The following ROR2 variants were observed in gnomAD, a reference collection of about 807,000 sequenced individuals.
The protein encoded by ROR2 is ROR family WNT receptor 2.
Under a neutral mutation model 74.9 loss-of-function variants are expected in ROR2, and 33 were observed. The ratio of observed to expected loss-of-function variants is 0.44; its 90% CI spans 0.33 to 0.59. ROR2 has a LOEUF of 0.59. ROR2 is among the 20% of genes least tolerant of loss of function. The pLI, the probability that ROR2 is intolerant of heterozygous loss-of-function variation, is 0.02. For synonymous variants in ROR2, 586 were observed against 558.7 expected (o/e 1.05, Z -0.69); for missense variants, 1,216 against 1,313.8 (o/e 0.93, Z 1.15).
In ROR2 at chr9:91,928,072, CT is replaced by C. The variant is rs1831457256; in HGVS notation, c.97+21794del. Among the ~76,000 whole-genome samples, 3 of 152,254 alleles carry C rather than the reference CT, an allele frequency of 2.0e-5. No homozygotes were observed. In the South Asian group the frequency reaches 6.2e-4, roughly 32 times the overall value. ...GCAAACCAACCACCCTAGAGCCCCA[CT>C]TCCCGCCACCTCCTGCATCACACTC... On this transcript the variant is annotated intron_variant, in intron 1 of 8. Coordinates refer to ENST00000375708, the MANE Select transcript of ROR2 (RefSeq NM_004560.4).
At chr9:91,939,935 C>T (rs1055878675) in intron 1 of ROR2, among the ~76,000 whole-genome samples, 4 of 152,166 alleles carry the variant, frequency 2.6e-5, no homozygotes, top group Non-Finnish European at 4.4e-5. Flanking sequence ...GCAGATGCCT[C>T]GTGGCCTGAA....
At chr9:91,815,640 T>C (rs1419037215) in intron 1 of ROR2, among the ~76,000 whole-genome samples, 1 of 152,242 alleles carries the variant, frequency 6.6e-6, no homozygotes, top group South Asian at 2.1e-4. Flanking sequence ...AGAGGTATTC[T>C]TGACGAACAG....
intron 1 of ROR2, among the ~76,000 whole-genome samples, chr9:91,908,918 G>GAC (rs3083919): frequency 6.6e-6 from 1 of 151,748 alleles, no homozygotes; most frequent in East Asian, 1.9e-4. Context: ...GACCATGAGG[G>GAC]AGTTTCCCTT....
intron 1 of ROR2, among the ~76,000 whole-genome samples, chr9:91,887,726 T>A (rs1193078733): frequency 6.6e-6 from 1 of 151,816 alleles, no homozygotes; most frequent in East Asian, 1.9e-4. Flanking sequence ...AATGTAGGTA[T>A]AACGGGGCGT....
At chr9:91,875,714 A>C (rs184851503) in intron 1 of ROR2, among the ~76,000 whole-genome samples, 430 of 152,298 alleles carry the variant, frequency 2.8e-3, no homozygotes, top group Middle Eastern at 0.017. Context: ...GAGGTGAGAG[A>C]GCTCCAGAAA....
At chr9:91,754,682 CATAAAT>C (rs1398660198) in intron 4 of ROR2, among the ~76,000 whole-genome samples, 1 of 152,018 alleles carries the variant, frequency 6.6e-6, no homozygotes, top group Non-Finnish European at 1.5e-5. Context: ...AAATAAAAGA[CATAAAT>C]ATAAAATAAG....
intron 1 of ROR2, among the ~76,000 whole-genome samples, chr9:91,907,789 G>C (rs1043111708): frequency 6.6e-6 from 1 of 152,172 alleles, no homozygotes; most frequent in African/African-American, 2.4e-5. Flanking sequence ...ACCCAAGAAT[G>C]CAGTAAATTG....
chr9:91,837,585 G>A (rs1828647420), intron 1 of ROR2, among the ~76,000 whole-genome samples: 1 of 152,172 alleles, frequency 6.6e-6, no homozygotes, highest in Non-Finnish European at 1.5e-5. Flanking sequence ...CGATCTTAAG[G>A]GGCTTGGGGA....
intron 1 of ROR2, among the ~76,000 whole-genome samples, chr9:91,914,677 C>T (rs1026541626): frequency 9.9e-5 from 15 of 152,212 alleles, no homozygotes; most frequent in Admixed American, 9.8e-4. Flanking sequence ...GCCCCCCTTA[C>T]ATCTCATTGG....
chr9:91,888,063 T>TA (rs1830335080), intron 1 of ROR2, among the ~76,000 whole-genome samples: 1 of 152,188 alleles, frequency 6.6e-6, no homozygotes, highest in Admixed American at 6.5e-5. Flanking sequence ...GTGCTGGGAT[T>TA]ACAAGCGTGA....
intron 1 of ROR2, among the ~76,000 whole-genome samples, chr9:91,927,792 G>C (rs1466770780): frequency 6.6e-6 from 1 of 151,976 alleles, no homozygotes; most frequent in Non-Finnish European, 1.5e-5. Context: ...TTGAACTCCT[G>C]AGCTCAGGCA....
intron 4 of ROR2, among the ~76,000 whole-genome samples, chr9:91,751,577 A>G (rs986527151): frequency 6.6e-6 from 1 of 152,218 alleles, no homozygotes; most frequent in Non-Finnish European, 1.5e-5. Flanking sequence ...TACACACAAA[A>G]TATTAAAAAT....
At position 91,733,504 on chromosome 9, in the gene ROR2, C is replaced by G. The variant is rs1422353621; in HGVS notation, c.623-68G>C. The G allele has an allele frequency of 6.6e-7, 1 of 1,503,764 alleles. No individual in the cohort carries two copies. Among genetic ancestry groups the G allele is most frequent in the African/African-American group, 1.4e-5 (1 of 72,780 alleles). The allele number at this position is 1,503,764 out of a possible 1,614,324, so 93.2% of individuals were successfully genotyped here. ...GCGCCCTTGACATTCATCCAGTCCC[C>G]ACCCCCAGCCTGGCATCCCAGACTG... On this transcript the variant is annotated intron_variant, in intron 5 of 8. Transcript: ENST00000375708. The surrounding 1 kb of genome is among the most constrained non-coding windows in gnomAD (Gnocchi z 5.7).
At position 91,722,766 on chromosome 9, in the gene ROR2, T is replaced by G; in HGVS notation, c.*896A>C. On this transcript the variant is annotated 3_prime_UTR_variant, in exon 9 of 9. Transcript: ENST00000375708. ...CAGAGAGAAGCAAACCAAGACCAAC[T>G]GGATCCCAACGTGGGTAACATAAAC... 1 of 611,988 alleles carries G rather than the reference T, an allele frequency of 1.6e-6. No individual in the cohort carries two copies. Among genetic ancestry groups the G allele is most frequent in the Non-Finnish European group, 3.0e-6 (1 of 337,190 alleles). The allele number at this position is 611,988 out of a possible 1,614,324, so 37.9% of individuals were successfully genotyped here.
At chr9:91,793,077 C>T (rs1036911958) in intron 1 of ROR2, among the ~76,000 whole-genome samples, 1 of 152,118 alleles carries the variant, frequency 6.6e-6, no homozygotes, top group African/African-American at 2.4e-5. Flanking sequence ...GTCAGTATTA[C>T]CCTAATACCA....
intron 1 of ROR2, among the ~76,000 whole-genome samples, chr9:91,933,089 G>T (rs1476137506): frequency 6.6e-6 from 1 of 152,158 alleles, no homozygotes; most frequent in Non-Finnish European, 1.5e-5. Flanking sequence ...AAGGCAGGCG[G>T]ATCATGAGGT....
At chr9:91,854,968 G>A (rs1175735595) in intron 1 of ROR2, among the ~76,000 whole-genome samples, 1 of 152,038 alleles carries the variant, frequency 6.6e-6, no homozygotes, top group Non-Finnish European at 1.5e-5. Context: ...CAATATTTTA[G>A]TAAAGGCAAA....
At chr9:91,816,704 AAC>A (rs1399341574) in intron 1 of ROR2, among the ~76,000 whole-genome samples, 2 of 19,080 alleles carry the variant, frequency 1.0e-4, no homozygotes, top group Non-Finnish European at 2.0e-4. Context: ...CCACCCCCCC[AAC>A]ACACACACTC....
chr9:91,946,666 T>C (rs542337630), intron 1 of ROR2, among the ~76,000 whole-genome samples: 1 of 152,320 alleles, frequency 6.6e-6, no homozygotes, highest in South Asian at 2.1e-4. Flanking sequence ...AGGGAAAGGA[T>C]TACAAAGAGT....
Sources: allele counts gnomAD v4.1 joint callset (sites outside exome capture counted in the v4.1 genomes callset), GRCh38; gene constraint gnomAD v4.1.1; non-coding constraint Gnocchi (gnomAD v3.1); transcripts MANE v1.5; gene names NCBI Gene and HGNC (gene_info 2026-07-23, HGNC 2026-07-21).